Variants in PLCB1 observed in about 807,000 individuals in gnomAD.
PLCB1 encodes 1-phosphatidylinositol 4,5-bisphosphate phosphodiesterase beta-1.
A neutral mutation model predicts 161.8 loss-of-function variants in PLCB1; 46 were observed. That is an observed-to-expected ratio of 0.28 (90% CI 0.22 to 0.36). PLCB1 has a LOEUF of 0.36. Among genes scored for constraint, PLCB1 ranks in the 10% least tolerant of loss-of-function variants. The probability of loss-of-function intolerance (pLI) is 1.00; values close to 1 mark genes in which losing one functional copy is unlikely to be tolerated. For missense variants in PLCB1, 1,016 were observed against 1,472.5 expected, an observed-to-expected ratio of 0.69 and a Z score of 5.07; for synonymous variants, 517 against 503.7, an observed-to-expected ratio of 1.03 and a Z score of -0.35.
At chr20:8,544,789 C>T (rs147191414) in intron 3 of PLCB1, among the ~76,000 whole-genome samples, 1 of 152,206 alleles carries the variant, frequency 6.6e-6, no homozygotes, top group Non-Finnish European at 1.5e-5. Flanking sequence ...ATGGGACCAG[C>T]ACCCACATGT....
At chr20:8,445,524 A>G (rs992050877) in intron 3 of PLCB1, among the ~76,000 whole-genome samples, 1,733 of 152,034 alleles carry the variant, frequency 0.011, 29 homozygotes, top group African/African-American at 0.04. Context: ...TGACTTGGCA[A>G]TGCGGGCTCT....
intron 3 of PLCB1, among the ~76,000 whole-genome samples, chr20:8,581,704 G>A (rs1986837825): frequency 1.3e-5 from 2 of 152,110 alleles, no homozygotes; most frequent in South Asian, 4.1e-4. Context: ...AATACCAAGA[G>A]AGTTCCAGGC....
rs374258684 is a variant in PLCB1, at chr20:8,717,847, C to A, written c.1512C>A (p.Ala504=). The A allele has an allele frequency of 1.2e-6, 2 of 1,604,574 alleles. No homozygotes were observed. Among genetic ancestry groups the A allele is most frequent in the African/African-American group, 2.7e-5 (2 of 74,084 alleles). Residue 504 remains alanine (A), a splice_region_variant and synonymous_variant, in exon 14 of 32, where the codon GCC becomes GCA. Transcript: ENST00000338037. ...SSMFEPSSPG[A]GEADTESDDD... ...TGTTCGAGCCCTCATCCCCAGGAGC[C>A]GGTGAGGGGCTGGTGGGCTCTCCCC... is the stretch of plus-strand genomic sequence containing the variant.
At chr20:8,763,742 G>A (rs996347327) in intron 25 of PLCB1, among the ~76,000 whole-genome samples, 3 of 151,888 alleles carry the variant, frequency 2.0e-5, no homozygotes, top group East Asian at 2.0e-4. Flanking sequence ...GGCTAGTCTC[G>A]AATTCCTGAC....
chr20:8,872,733 C>T (rs117248958), intron 31 of PLCB1, among the ~76,000 whole-genome samples: 1 of 152,048 alleles, frequency 6.6e-6, no homozygotes, highest in African/African-American at 2.4e-5. Flanking sequence ...TCAATGTGCT[C>T]CATGAATCAT....
intron 4 of PLCB1, among the ~76,000 whole-genome samples, chr20:8,644,294 C>G (rs957906352): frequency 6.6e-5 from 10 of 151,406 alleles, no homozygotes; most frequent in South Asian, 4.2e-4. Context: ...CCTGGCTGCC[C>G]AGTCTGGAAA....
At chr20:8,415,961 C>T (rs1358921544) in intron 3 of PLCB1, among the ~76,000 whole-genome samples, 3 of 152,176 alleles carry the variant, frequency 2.0e-5, no homozygotes, top group African/African-American at 7.2e-5. Context: ...AGAGGTTATT[C>T]CCTGCTCTCA....
chr20:8,341,621 C>T (rs1284194229), intron 2 of PLCB1, among the ~76,000 whole-genome samples: 2 of 152,184 alleles, frequency 1.3e-5, no homozygotes, highest in African/African-American at 4.8e-5. Flanking sequence ...CTAATCAAAG[C>T]AGCTTCCTTC....
intron 3 of PLCB1, among the ~76,000 whole-genome samples, chr20:8,485,556 G>C (rs1332022380): frequency 6.6e-6 from 1 of 152,220 alleles, no homozygotes; most frequent in Non-Finnish European, 1.5e-5. Flanking sequence ...TCATATAAAA[G>C]TTCATTATGT....
At chr20:8,346,414 G>A (rs1038175563) in intron 2 of PLCB1, among the ~76,000 whole-genome samples, 2 of 152,210 alleles carry the variant, frequency 1.3e-5, no homozygotes, top group Non-Finnish European at 2.9e-5. Context: ...TCAGTCATGA[G>A]AATTAAATGC....
intron 3 of PLCB1, among the ~76,000 whole-genome samples, chr20:8,396,436 A>G (rs1987770225): frequency 6.6e-6 from 1 of 152,116 alleles, no homozygotes; most frequent in African/African-American, 2.4e-5. Flanking sequence ...CTGCAACACT[A>G]GAATTATGTG....
intron 31 of PLCB1, among the ~76,000 whole-genome samples, chr20:8,864,359 A>G (rs1987355129): frequency 6.6e-6 from 1 of 152,218 alleles, no homozygotes; most frequent in South Asian, 2.1e-4. Flanking sequence ...TGTATATTGC[A>G]GTATACCATG....
At chr20:8,368,528 C>CAAAAAAAAAA (rs1216338206) in intron 2 of PLCB1, among the ~76,000 whole-genome samples, 3 of 63,826 alleles carry the variant, frequency 4.7e-5, no homozygotes, top group African/African-American at 1.2e-4. Context: ...CTCTGTCTCT[C>CAAAAAAAAAA]AAAAAAAAAA....
intron 11 of PLCB1, among the ~76,000 whole-genome samples, chr20:8,703,280 C>T (rs1237812934): frequency 6.6e-6 from 1 of 152,200 alleles, no homozygotes; most frequent in Non-Finnish European, 1.5e-5. Flanking sequence ...GCATGGCATG[C>T]AGTGCCTACT....
At chr20:8,255,347 G>T (rs544129345) in intron 2 of PLCB1, among the ~76,000 whole-genome samples, 2 of 152,142 alleles carry the variant, frequency 1.3e-5, no homozygotes, top group African/African-American at 4.8e-5. Flanking sequence ...ACAAACACTG[G>T]ATGGAAGTAG....
intron 31 of PLCB1, among the ~76,000 whole-genome samples, chr20:8,844,808 C>T (rs1431002425): frequency 6.6e-6 from 1 of 151,978 alleles, no homozygotes; most frequent in Admixed American, 6.6e-5. Flanking sequence ...TAAAAGACTA[C>T]GGATTTAAAG....
chr20:8,338,895 G>T lies in PLCB1; in HGVS notation c.178-32487G>T, dbSNP rs532736586. Among the ~76,000 whole-genome samples, 12 of 152,246 alleles carry T rather than the reference G, an allele frequency of 7.9e-5. No individual in the cohort carries two copies. In the South Asian group the frequency reaches 2.3e-3, roughly 29 times the overall value. On this transcript the variant is annotated intron_variant, in intron 2 of 31. Coordinates refer to ENST00000338037, the MANE Select transcript of PLCB1 (RefSeq NM_015192.4). ...CTGATAATTACCTTTCATTTAGGTG[G>T]AATCACATGGTGTGTTTTTGTGTTT...
intron 3 of PLCB1, among the ~76,000 whole-genome samples, chr20:8,492,842 A>G (rs1455845322): frequency 1.1e-5 from 1 of 95,096 alleles, no homozygotes; most frequent in Admixed American, 1.1e-4. Flanking sequence ...TTTATTATAT[A>G]TATATATGTG....
intron 4 of PLCB1, among the ~76,000 whole-genome samples, chr20:8,629,816 CT>C (rs71184105): frequency 0.014 from 975 of 72,180 alleles, 8 homozygotes; most frequent in East Asian, 0.044. Context: ...TCTTTTCTTT[CT>C]TTTCTTTCTT....
Sources: allele counts gnomAD v4.1 joint callset (sites outside exome capture counted in the v4.1 genomes callset), GRCh38; gene constraint gnomAD v4.1.1; transcripts MANE v1.5; gene names NCBI Gene and HGNC (gene_info 2026-07-23, HGNC 2026-07-21).